SGCZ: variants seen among roughly 807,000 people sequenced by gnomAD.
SGCZ encodes zeta-sarcoglycan.
A neutral mutation model predicts 41.3 loss-of-function variants in SGCZ; 40 were observed. The ratio of observed to expected loss-of-function variants is 0.97; its 90% confidence interval spans 0.75 to 1.26. The LOEUF is 1.26. Among genes scored for constraint, SGCZ ranks in the 50% most tolerant of loss-of-function variants. The pLI is 0.00. For missense variants in SGCZ, 552 were observed against 369.8 expected, an observed-to-expected ratio of 1.49 and a Z score of -4.04; for synonymous variants, 206 against 137.5, an observed-to-expected ratio of 1.50 and a Z score of -3.49.
chr8:15,217,431 AG>A (rs1190850299), intron 1 of SGCZ, among the ~76,000 whole-genome samples: 2 of 133,164 alleles, frequency 1.5e-5, no homozygotes, highest in South Asian at 5.1e-4. Flanking sequence ...AAAAAAAAAA[AG>A]AATTGAACTA....
At chr8:14,305,826 C>T (rs1412841004) in intron 3 of SGCZ, among the ~76,000 whole-genome samples, 2 of 152,160 alleles carry the variant, frequency 1.3e-5, no homozygotes, top group East Asian at 1.9e-4. Context: ...CATTAGTAAA[C>T]TTGCCCCTAA....
At chr8:14,885,740 G>T (rs563846915) in intron 1 of SGCZ, among the ~76,000 whole-genome samples, 6 of 151,996 alleles carry the variant, frequency 3.9e-5, no homozygotes, top group South Asian at 2.1e-4. Flanking sequence ...AAATGTCAGG[G>T]TTATTTTGTT....
intron 1 of SGCZ, among the ~76,000 whole-genome samples, chr8:15,054,307 C>T (rs996436554): frequency 6.6e-6 from 1 of 152,158 alleles, no homozygotes; most frequent in African/African-American, 2.4e-5. Flanking sequence ...GTCAGTTCAG[C>T]TCAATACAGC....
chr8:14,596,858 A>AT (rs1805429037), intron 1 of SGCZ, among the ~76,000 whole-genome samples: 1 of 152,138 alleles, frequency 6.6e-6, no homozygotes, highest in Non-Finnish European at 1.5e-5. Context: ...AAAGAAACAG[A>AT]ATTTTTTTAA....
At chr8:14,467,600 C>T (rs1204117903) in intron 2 of SGCZ, among the ~76,000 whole-genome samples, 1 of 152,040 alleles carries the variant, frequency 6.6e-6, no homozygotes, top group Non-Finnish European at 1.5e-5. Context: ...AATTTACCAT[C>T]CAAACCTTGT....
chr8:14,591,362 T>A (rs1369376722), intron 1 of SGCZ, among the ~76,000 whole-genome samples: 1 of 152,038 alleles, frequency 6.6e-6, no homozygotes, highest in Non-Finnish European at 1.5e-5. Flanking sequence ...TGAATTGATA[T>A]GTTATTAATC....
At chr8:14,426,926 T>G (rs1364915179) in intron 2 of SGCZ, among the ~76,000 whole-genome samples, 3 of 152,178 alleles carry the variant, frequency 2.0e-5, no homozygotes, top group African/African-American at 7.2e-5. Context: ...AAAATTGTTA[T>G]TATTTATTAT....
intron 1 of SGCZ, among the ~76,000 whole-genome samples, chr8:14,782,212 T>A (rs1800613458): frequency 6.6e-6 from 1 of 152,198 alleles, no homozygotes; most frequent in African/African-American, 2.4e-5. Flanking sequence ...CTAAAACTTA[T>A]TAAGCACTTC....
intron 1 of SGCZ, among the ~76,000 whole-genome samples, chr8:14,612,674 TTTTTG>T (rs539315427): frequency 1.7e-4 from 26 of 151,934 alleles, no homozygotes; most frequent in Non-Finnish European, 2.1e-4. Context: ...TTTTTTTGTT[TTTTTG>T]TTTTGTTTTG....
At chr8:14,870,173 T>C (rs1804094894) in intron 1 of SGCZ, among the ~76,000 whole-genome samples, 1 of 152,128 alleles carries the variant, frequency 6.6e-6, no homozygotes, top group Admixed American at 6.5e-5. Context: ...CTTCAAACTA[T>C]GATACAAGGC....
chr8:14,726,500 G>A (rs1054315447), intron 1 of SGCZ, among the ~76,000 whole-genome samples: 2 of 151,478 alleles, frequency 1.3e-5, no homozygotes, highest in Non-Finnish European at 2.9e-5. Context: ...CAACATTTTA[G>A]ATGGAAAATG....
chr8:14,758,529 C>T (rs1799758333), intron 1 of SGCZ, among the ~76,000 whole-genome samples: 1 of 151,924 alleles, frequency 6.6e-6, no homozygotes, highest in East Asian at 1.9e-4. Flanking sequence ...CCTGAGAAAT[C>T]TGGGACACCG....
chr8:14,106,869 C>T (rs888254944), intron 6 of SGCZ, among the ~76,000 whole-genome samples: 4 of 152,118 alleles, frequency 2.6e-5, no homozygotes, highest in Non-Finnish European at 5.9e-5. Context: ...TGTAATTTAG[C>T]TATCATAAAT....
chr8:14,252,306 AT>A (rs1359530285), intron 3 of SGCZ, among the ~76,000 whole-genome samples: 8 of 151,284 alleles, frequency 5.3e-5, no homozygotes, highest in Middle Eastern at 3.4e-3. Context: ...TTTGTCATGT[AT>A]TTTTTTCAGA....
intron 2 of SGCZ, among the ~76,000 whole-genome samples, chr8:14,360,954 C>A (rs985160875): frequency 6.6e-6 from 1 of 152,128 alleles, no homozygotes; most frequent in African/African-American, 2.4e-5. Context: ...CAGCATGTGA[C>A]GTTGCCACTA....
At chr8:14,933,076 G>A (rs1563372930) in intron 1 of SGCZ, among the ~76,000 whole-genome samples, 1 of 151,826 alleles carries the variant, frequency 6.6e-6, no homozygotes, top group Admixed American at 6.6e-5. Context: ...GGGGGATGAG[G>A]GCTGAAAAAC....
chr8:14,583,842 A>T (rs1252731263), intron 1 of SGCZ, among the ~76,000 whole-genome samples: 2 of 149,676 alleles, frequency 1.3e-5, no homozygotes, highest in African/African-American at 4.9e-5. Flanking sequence ...TATATATATA[A>T]ACAAATAATT....
intron 5 of SGCZ, among the ~76,000 whole-genome samples, chr8:14,133,184 T>G (rs1432656868): frequency 1.3e-5 from 2 of 152,214 alleles, no homozygotes; most frequent in Non-Finnish European, 2.9e-5. Flanking sequence ...ACATGTATCT[T>G]GCCCTAAGCA....
chr8:14,307,309 G>T (rs1320900042), intron 3 of SGCZ, among the ~76,000 whole-genome samples: 1 of 151,970 alleles, frequency 6.6e-6, no homozygotes, highest in Non-Finnish European at 1.5e-5. Flanking sequence ...GTGGTGCCAG[G>T]GTCAAAGAAA....
Sources: allele counts gnomAD v4.1 joint callset (sites outside exome capture counted in the v4.1 genomes callset), GRCh38; gene constraint gnomAD v4.1.1; transcripts MANE v1.5; gene names NCBI Gene and HGNC (gene_info 2026-07-23, HGNC 2026-07-21).